Variants in AIM2 observed in about 807,000 individuals in gnomAD.
AIM2 encodes interferon-inducible protein AIM2.
Under a neutral mutation model 27.7 loss-of-function variants are expected in AIM2, and 30 were observed. The observed-to-expected ratio is 1.08, with a 90% CI of 0.81 to 1.47. The LOEUF is 1.47. AIM2 is among the 40% of genes most tolerant of loss of function. The probability of loss-of-function intolerance (pLI) is 0.00; values close to 1 mark genes in which losing one functional copy is unlikely to be tolerated. For missense variants in AIM2, 358 were observed against 411.3 expected (o/e 0.87, Z 1.12); for synonymous variants, 141 against 145.3 (o/e 0.97, Z 0.21).
intron 1 of AIM2, among the ~76,000 whole-genome samples, chr1:159,138,178 T>C (rs537936641): frequency 1.8e-4 from 28 of 152,296 alleles, no homozygotes; most frequent in African/African-American, 6.5e-4. Context: ...GAGTTGGATG[T>C]CATAGGGTTG....
At chr1:159,128,367 C>T (rs1647777884) in intron 1 of AIM2, among the ~76,000 whole-genome samples, 1 of 152,064 alleles carries the variant, frequency 6.6e-6, no homozygotes, top group South Asian at 2.1e-4. Context: ...TCCTCTCTTT[C>T]CTTTGAGTTT....
At chr1:159,121,548 C>T (rs983862976) in intron 1 of AIM2, among the ~76,000 whole-genome samples, 5 of 152,044 alleles carry the variant, frequency 3.3e-5, no homozygotes, top group Admixed American at 2.0e-4. Flanking sequence ...TACTTCAACA[C>T]CTGCGCTCTC....
intron 1 of AIM2, among the ~76,000 whole-genome samples, chr1:159,133,597 C>G (rs1647951176): frequency 6.6e-6 from 1 of 152,150 alleles, no homozygotes; most frequent in East Asian, 1.9e-4. Flanking sequence ...CAGCTATCAC[C>G]CTTGACTTCC....
Position 159,068,706 on chromosome 1 carries a change from T to G in AIM2, c.263-5A>C, listed in dbSNP as rs199942452. ...CCGATTTGTATTGCTTATCAACTGA[T>G]TAAAAAATGAAAGACATGGCCAATA... On this transcript the variant is annotated splice_polypyrimidine_tract_variant and splice_region_variant and intron_variant, in intron 2 of 5. Transcript: ENST00000368130. The G allele has an allele frequency of 6.8e-6, 11 of 1,612,612 alleles. No individual in the cohort carries two copies. In the Admixed American group the frequency reaches 1.0e-4, roughly 15 times the overall value.
At chr1:159,081,558 G>A (rs1013187343), upstream of AIM2, 65 of 499,240 alleles carry the variant, frequency 1.3e-4, no homozygotes, top group Admixed American at 5.9e-4. Context: ...GGCTCCTCAG[G>A]CTCTTGAGTA....
chr1:159,086,387 G>C (rs940610328), intron 1 of AIM2, among the ~76,000 whole-genome samples: 1 of 152,190 alleles, frequency 6.6e-6, no homozygotes, highest in African/African-American at 2.4e-5. Flanking sequence ...ACATGAGGCT[G>C]CCTCTGTTTT....
upstream of AIM2, among the ~76,000 whole-genome samples, chr1:159,080,858 T>C (rs773088162): frequency 1.3e-5 from 2 of 152,176 alleles, no homozygotes; most frequent in Non-Finnish European, 2.9e-5. Context: ...TTAAGTGGAA[T>C]AGAACCTATA....
intron 1 of AIM2, among the ~76,000 whole-genome samples, chr1:159,117,131 G>A (rs1188615963): frequency 6.6e-6 from 1 of 152,190 alleles, no homozygotes; most frequent in Non-Finnish European, 1.5e-5. Flanking sequence ...GTCAAGGGAA[G>A]AACAGAGATA....
intron 2 of AIM2, 64 bp downstream of exon 2, chr1:159,073,174 A>C: frequency 6.3e-7 from 1 of 1,592,614 alleles, no homozygotes; most frequent in South Asian, 1.1e-5. Flanking sequence ...CAGGGATGCC[A>C]TGAAAGGAAA....
intron 1 of AIM2, among the ~76,000 whole-genome samples, chr1:159,083,417 G>A (rs1477471306): frequency 6.6e-6 from 1 of 152,208 alleles, no homozygotes; most frequent in Non-Finnish European, 1.5e-5. Context: ...CCTTGAGTGA[G>A]TGGGAATTGG....
intron 4 of AIM2, among the ~76,000 whole-genome samples, chr1:159,064,275 G>A (rs944316660): frequency 1.2e-4 from 18 of 152,192 alleles, no homozygotes; most frequent in Non-Finnish European, 2.4e-4. Flanking sequence ...GGAGGCAGAC[G>A]TGTCTTACTT....
chr1:159,146,761 T>C (rs1234235407), intron 1 of AIM2, among the ~76,000 whole-genome samples: 1 of 152,170 alleles, frequency 6.6e-6, no homozygotes, highest in African/African-American at 2.4e-5. Flanking sequence ...CAAGGCACTC[T>C]GAGCTTCCCA....
downstream of AIM2, among the ~76,000 whole-genome samples, chr1:159,060,772 G>T (rs1655807744): frequency 6.6e-6 from 1 of 152,126 alleles, no homozygotes; most frequent in South Asian, 2.1e-4. Flanking sequence ...ATCTACCAAA[G>T]TTTGTTTATT....
chr1:159,074,223 G>A (rs981192696), intron 1 of AIM2, among the ~76,000 whole-genome samples: 2 of 152,094 alleles, frequency 1.3e-5, no homozygotes, highest in Non-Finnish European at 2.9e-5. Flanking sequence ...TTCTTTCATG[G>A]ATCATGCTTT....
the AIM2 span, among the ~76,000 whole-genome samples, chr1:159,057,010 C>T: frequency 1.7e-4 from 26 of 152,166 alleles, no homozygotes; most frequent in Non-Finnish European, 7.3e-5. Flanking sequence ...AATGGTTACT[C>T]ATCTAAAAAG....
intron 4 of AIM2, 111 bp from the exon 5 acceptor site, chr1:159,063,785 T>G: frequency 1.7e-6 from 2 of 1,152,686 alleles, no homozygotes; most frequent in Non-Finnish European, 2.5e-6. Flanking sequence ...AGTTGATTCT[T>G]GAACAACACA....
At chr1:159,070,660 A>G (rs555550245) in intron 2 of AIM2, among the ~76,000 whole-genome samples, 1 of 152,256 alleles carries the variant, frequency 6.6e-6, no homozygotes, top group Non-Finnish European at 1.5e-5. Flanking sequence ...TAGAGCTAAG[A>G]GTAGAATGAA....
intron 2 of AIM2, among the ~76,000 whole-genome samples, 164 bp from the exon 3 acceptor site, chr1:159,068,865 C>T (rs188878102): frequency 1.3e-5 from 2 of 152,112 alleles, no homozygotes; most frequent in East Asian, 3.9e-4. Flanking sequence ...AGAAACTGGA[C>T]CTGGCACAGA....
At chr1:159,130,371 T>C (rs1647837202) in intron 1 of AIM2, among the ~76,000 whole-genome samples, 1 of 152,214 alleles carries the variant, frequency 6.6e-6, no homozygotes. Flanking sequence ...GGCTCATATA[T>C]CTAGCTGCCC....
Sources: gnomAD v4.1 joint callset for allele counts (sites outside exome capture counted in the v4.1 genomes callset) on GRCh38, gnomAD v4.1.1 for gene constraint, MANE v1.5 for transcripts, NCBI Gene and HGNC (gene_info 2026-07-23, HGNC 2026-07-21) for gene names.